AGAP1: variants seen among roughly 807,000 people sequenced by gnomAD.
AGAP1 encodes arf-GAP with GTPase, ANK repeat and PH domain-containing protein 1.
AGAP1 carries 29 observed loss-of-function variants against 105.3 expected under a neutral mutation model. The ratio of observed to expected loss-of-function variants is 0.28; its 90% CI spans 0.21 to 0.38. The LOEUF (loss-of-function observed/expected upper bound fraction) is 0.38. Ranked by LOEUF, AGAP1 falls within the 10% of genes least tolerant of loss-of-function variation. The pLI is 1.00. For missense variants in AGAP1, 998 were observed against 1,165.1 expected (o/e 0.86, Z 2.09); for synonymous variants, 509 against 485.9 (o/e 1.05, Z -0.63).
intron 1 of AGAP1, among the ~76,000 whole-genome samples, chr2:235,587,642 C>A (rs1324693115): frequency 6.6e-6 from 1 of 151,972 alleles, no homozygotes; most frequent in African/African-American, 2.4e-5. Context: ...GTAATCCCAG[C>A]TACTCTGGAG....
rs1016092681 is a variant in AGAP1 at position 235,830,953 on chromosome 2, G to A, written c.1050+23622G>A. On this transcript the variant is annotated intron_variant, in intron 9 of 17. Coordinates refer to ENST00000304032, the MANE Select transcript of AGAP1 (RefSeq NM_001037131.3). This position sits in a 1 kb window ranked among gnomAD's most constrained non-coding sequence, Gnocchi z 5.5. ...GACTCCTGTGAGAATGCTGATGGGT[G>A]CCGCCTCCTCACCTGTGTGTCGCAG... is the stretch of plus-strand genomic sequence containing the variant. Among the ~76,000 whole-genome samples, 1 of 152,082 alleles carries A rather than the reference G, an allele frequency of 6.6e-6. No homozygotes were observed. The highest frequency in any genetic ancestry group is 2.4e-5 in the African/African-American group (1 of 41,400).
At position 235,639,349 on chromosome 2, in the gene AGAP1, G is replaced by A. The variant is rs1398738423; in HGVS notation, c.164-69830G>A. ...GAAAGCACGCCCTGGAGGTGGGTGG[G>A]TGAGCTCACCCAGGACCACGGTGTG... On this transcript the variant is annotated intron_variant, in intron 1 of 17. Transcript: ENST00000304032. The surrounding 1 kb of genome is among the most constrained non-coding windows in gnomAD (Gnocchi z 5.3). Among the ~76,000 whole-genome samples, 1 of 152,134 alleles carries A rather than the reference G, an allele frequency of 6.6e-6. No homozygotes were observed. Among genetic ancestry groups the A allele is most frequent in the Non-Finnish European group, 1.5e-5 (1 of 68,030 alleles).
Position 236,000,778 on chromosome 2 carries a change from G to A in AGAP1, c.1645+32155G>A, listed in dbSNP as rs995875238. Among the ~76,000 whole-genome samples, 3 of 152,220 alleles carry A rather than the reference G, an allele frequency of 2.0e-5. No individual in the cohort carries two copies. The highest frequency in any genetic ancestry group is 4.8e-5 in the African/African-American group (2 of 41,452). On this transcript the variant is annotated intron_variant, in intron 13 of 17. Transcript: ENST00000304032. This position sits in a 1 kb window ranked among gnomAD's most constrained non-coding sequence, Gnocchi z 4.3. Reference sequence around the variant, plus strand: ...TGTGTTTGCAGTGAGGGCCACTAAGGGGGGCGGAGAAGACCCCTGACAGCA... The same window carrying A: ...TGTGTTTGCAGTGAGGGCCACTAAGAGGGGCGGAGAAGACCCCTGACAGCA...
Position 235,797,873 on chromosome 2 carries a change from T to C in AGAP1, c.788T>C (p.Val263Ala). ...GTCTGTTCCGCGCAGGTGTCTGCCGTGCACATCAGCCAGGTACGTTAGGTG... is the reference window on the plus strand; with the variant it reads ...GTCTGTTCCGCGCAGGTGTCTGCCGCGCACATCAGCCAGGTACGTTAGGTG... ...SSVCSAQVSA[V>A]HISQTSNGGG... is the part of the protein sequence containing the mutation. The change falls in exon 7 of 18, where the codon GTG (valine) becomes GCG (alanine). Residue 263 changes from valine (V) to alanine (A), a missense_variant. Around this residue, in one of 3 missense-constraint regions of AGAP1, gnomAD observed 735 missense variants for 833.4 expected, o/e 0.88. Transcript: ENST00000304032. 6.2e-7 allele frequency: 1 copy of C among 1,614,196 alleles called. No individual in the cohort carries two copies. Among genetic ancestry groups the C allele is most frequent in the Admixed American group, 1.7e-5 (1 of 60,018 alleles).
At chr2:236,097,207 A>T (rs536767512) in intron 16 of AGAP1, among the ~76,000 whole-genome samples, 1 of 152,156 alleles carries the variant, frequency 6.6e-6, no homozygotes, top group African/African-American at 2.4e-5. Flanking sequence ...CATGATAGGT[A>T]AAAATGTATT....
intron 9 of AGAP1, among the ~76,000 whole-genome samples, chr2:235,817,170 A>C (rs1958505811): frequency 6.6e-6 from 1 of 152,082 alleles, no homozygotes; most frequent in African/African-American, 2.4e-5. Context: ...AACTTATGGC[A>C]CTTGGCATGG....
chr2:235,849,944 C>G (rs147931122), intron 9 of AGAP1, among the ~76,000 whole-genome samples: 28 of 152,360 alleles, frequency 1.8e-4, no homozygotes, highest in African/African-American at 6.0e-4. Context: ...TCCTGCCTTT[C>G]TCACTTTTCC....
chr2:236,122,935 G>A (rs1051705256), intron 17 of AGAP1, among the ~76,000 whole-genome samples: 2 of 152,034 alleles, frequency 1.3e-5, no homozygotes, highest in Non-Finnish European at 2.9e-5. Context: ...CGCCCTCCTC[G>A]GCCTCCCAAA....
chr2:235,723,619 T>C lies in AGAP1; in HGVS notation c.310+5975T>C, dbSNP rs1355909548. Reference sequence around the variant, plus strand: ...CCCTCCCGAGCTGTGCAGGTTAGCTTGTGTGCCAGAAGGACCTGAGGACCA... The same window carrying C: ...CCCTCCCGAGCTGTGCAGGTTAGCTCGTGTGCCAGAAGGACCTGAGGACCA... On this transcript the variant is annotated intron_variant, in intron 3 of 17. Transcript: ENST00000304032. This position sits in a 1 kb window ranked among gnomAD's most constrained non-coding sequence, Gnocchi z 6.2. 1.3e-5 allele frequency among the ~76,000 whole-genome samples: 2 copies of C among 152,198 alleles called. No homozygotes were observed. The highest frequency in any genetic ancestry group is 4.8e-5 in the African/African-American group (2 of 41,448).
chr2:235,613,469 T>G (rs897370102), intron 1 of AGAP1, among the ~76,000 whole-genome samples: 4 of 152,226 alleles, frequency 2.6e-5, no homozygotes, highest in African/African-American at 9.6e-5. Context: ...CTTCCTTCAA[T>G]GAGAAGACTT....
In AGAP1 at chr2:235,691,175, C is replaced by G. The variant is rs1400035683; in HGVS notation, c.164-18004C>G. 6.6e-6 allele frequency among the ~76,000 whole-genome samples: 1 copy of G among 152,128 alleles called. No individual in the cohort carries two copies. On this transcript the variant is annotated intron_variant, in intron 1 of 17. Coordinates refer to ENST00000304032, the MANE Select transcript of AGAP1 (RefSeq NM_001037131.3). The surrounding 1 kb of genome is among the most constrained non-coding windows in gnomAD (Gnocchi z 4.4). The stretch of plus-strand genomic sequence containing the variant: ...AGGCCTTGGTCCCTTCTGAGAGACC[C>G]CAGCCCCGAGAGGCTCTGGGCTGCT...
intron 16 of AGAP1, among the ~76,000 whole-genome samples, chr2:236,110,282 G>A (rs2059610341): frequency 1.3e-5 from 2 of 152,104 alleles, no homozygotes; most frequent in African/African-American, 2.4e-5. Flanking sequence ...GATTGCTTGA[G>A]GCCAGGAGTT....
rs779476432 is a variant in AGAP1 at position 236,101,909 on chromosome 2, A to G, written c.2115-18283A>G. On this transcript the variant is annotated intron_variant, in intron 16 of 17. Transcript: ENST00000304032. This position sits in a 1 kb window ranked among gnomAD's most constrained non-coding sequence, Gnocchi z 4.9. ...TACAGAAACTTCCATTCTGTGTGTGACTAGCATGGCTTAGCTATGTTTCTG... is the reference window on the plus strand; with the variant it reads ...TACAGAAACTTCCATTCTGTGTGTGGCTAGCATGGCTTAGCTATGTTTCTG... Among the ~76,000 whole-genome samples the G allele has an allele frequency of 6.6e-6, 1 of 152,204 alleles. No homozygotes were observed. Among genetic ancestry groups the G allele is most frequent in the Non-Finnish European group, 1.5e-5 (1 of 68,044 alleles).
intron 1 of AGAP1, among the ~76,000 whole-genome samples, chr2:235,645,313 C>A (rs1005506571): frequency 1.3e-5 from 2 of 152,120 alleles, no homozygotes; most frequent in Admixed American, 1.3e-4. Flanking sequence ...GGCTCACATA[C>A]CTATCTCAAA....
At chr2:235,594,668 G>A (rs1480884839) in intron 1 of AGAP1, among the ~76,000 whole-genome samples, 2 of 151,830 alleles carry the variant, frequency 1.3e-5, no homozygotes, top group Non-Finnish European at 2.9e-5. Flanking sequence ...TCCATCTTCC[G>A]GGTTCAAGCA....
At position 236,092,421 on chromosome 2, in the gene AGAP1, C is replaced by G. The variant is rs2059084862; in HGVS notation, c.2115-27771C>G. On this transcript the variant is annotated intron_variant, in intron 16 of 17. Transcript: ENST00000304032. The surrounding 1 kb of genome is among the most constrained non-coding windows in gnomAD (Gnocchi z 4.7). ...TGTTTTGTTTTGTTTGTGACAGAGT[C>G]TCGCTCTGTCACCCAGGCTGGAGTG... Among the ~76,000 whole-genome samples the G allele has an allele frequency of 6.6e-6, 1 of 152,138 alleles. No individual in the cohort carries two copies. Among genetic ancestry groups the G allele is most frequent in the South Asian group, 2.1e-4 (1 of 4,816 alleles).
intron 6 of AGAP1, among the ~76,000 whole-genome samples, chr2:235,762,657 C>A (rs1346408584): frequency 6.6e-6 from 1 of 152,146 alleles, no homozygotes; most frequent in East Asian, 1.9e-4. Flanking sequence ...CCCCTGAGGT[C>A]AGGAGTTCAA....
At position 235,557,057 on chromosome 2, in the gene AGAP1, G is replaced by A. The variant is rs966222825; in HGVS notation, c.163+62208G>A. Among the ~76,000 whole-genome samples the A allele has an allele frequency of 4.6e-5, 7 of 152,198 alleles. No individual in the cohort carries two copies. The highest frequency in any genetic ancestry group is 1.0e-4 in the Non-Finnish European group (7 of 68,036). Reference sequence around the variant, plus strand: ...GGCAGACTTGGCCTTCCCAGCTGGCGCGGGACTGGGGACTTAGGGGACTGG... The same window carrying A: ...GGCAGACTTGGCCTTCCCAGCTGGCACGGGACTGGGGACTTAGGGGACTGG... On this transcript the variant is annotated intron_variant, in intron 1 of 17. Coordinates refer to ENST00000304032, the MANE Select transcript of AGAP1 (RefSeq NM_001037131.3). This position sits in a 1 kb window ranked among gnomAD's most constrained non-coding sequence, Gnocchi z 4.7.
chr2:235,985,898 A>G (rs1233508020), intron 13 of AGAP1, among the ~76,000 whole-genome samples: 1 of 152,182 alleles, frequency 6.6e-6, no homozygotes, highest in Non-Finnish European at 1.5e-5. Flanking sequence ...GAAGTCATGT[A>G]GTGTGATGCC....
Sources: gnomAD v4.1 joint callset for allele counts (sites outside exome capture counted in the v4.1 genomes callset) on GRCh38, gnomAD v4.1.1 for gene constraint, gnomAD v4.1.1 regional missense constraint, Gnocchi (gnomAD v3.1) non-coding constraint, MANE v1.5 for transcripts, NCBI Gene and HGNC (gene_info 2026-07-23, HGNC 2026-07-21) for gene names.